The following AOPEP variants were observed in gnomAD, a reference collection of about 807,000 sequenced individuals.
The protein encoded by AOPEP is aminopeptidase O (putative).
In AOPEP, 77 loss-of-function variants were observed where a neutral mutation model predicts 98.1. That is an observed-to-expected ratio of 0.78 (90% CI 0.65 to 0.95). AOPEP has a LOEUF of 0.95. Among genes scored for constraint, AOPEP ranks in the 40% least tolerant of loss-of-function variants. The probability of loss-of-function intolerance (pLI) is 0.00; values close to 1 mark genes in which losing one functional copy is unlikely to be tolerated. For missense variants in AOPEP, 1,024 were observed against 1,024.7 expected, an observed-to-expected ratio of 1.00 and a Z score of 0.01; for synonymous variants, 346 against 365.3, an observed-to-expected ratio of 0.95 and a Z score of 0.60.
At chr9:94,935,331 A>G (rs1369808132) in intron 7 of AOPEP, 2 of 152,280 alleles carry the variant, frequency 1.3e-5, no homozygotes, top group East Asian at 1.9e-4. Flanking sequence ...CCGTGAGCCA[A>G]TTAAACCTCT....
chr9:95,148,967 C>T, the AOPEP span, among the ~76,000 whole-genome samples: 1 of 152,150 alleles, frequency 6.6e-6, no homozygotes, highest in Non-Finnish European at 1.5e-5. Flanking sequence ...TCATACACTT[C>T]AACCAAAACA....
At chr9:94,962,026 G>C (rs2058875739) in intron 9 of AOPEP, among the ~76,000 whole-genome samples, 1 of 152,182 alleles carries the variant, frequency 6.6e-6, no homozygotes, top group African/African-American at 2.4e-5. Context: ...ATGTGTACAG[G>C]GGAGGAGGAG....
At chr9:95,057,915 A>C (rs976694578) in intron 13 of AOPEP, among the ~76,000 whole-genome samples, 7 of 152,140 alleles carry the variant, frequency 4.6e-5, no homozygotes, top group Non-Finnish European at 1.0e-4. Context: ...GGGAGCAGAT[A>C]CCTGAGGGGA....
At chr9:94,856,338 C>G (rs555503147) in intron 5 of AOPEP, among the ~76,000 whole-genome samples, 2 of 152,134 alleles carry the variant, frequency 1.3e-5, no homozygotes, top group South Asian at 2.1e-4. Context: ...AAGGAGACGC[C>G]AGGGTAAAAG....
intron 9 of AOPEP, among the ~76,000 whole-genome samples, chr9:94,958,377 C>G (rs964035103): frequency 6.6e-6 from 1 of 152,114 alleles, no homozygotes; most frequent in African/African-American, 2.4e-5. Flanking sequence ...TGTTCAAGTC[C>G]CTGCTTTCAG....
At chr9:94,933,545 CG>C (rs2055736220) in intron 7 of AOPEP, 1 of 985,172 alleles carries the variant, frequency 1.0e-6, no homozygotes, top group African/African-American at 1.7e-5. Flanking sequence ...TAGATAAATG[CG>C]AGCATCTTTC....
chr9:95,108,279 G>A, the AOPEP span, among the ~76,000 whole-genome samples: 568 of 152,338 alleles, frequency 3.7e-3, 2 homozygotes, highest in African/African-American at 0.013. Context: ...ACGGGGAGCG[G>A]CAGCGCTCCA....
rs1387205088 is a variant in AOPEP, at chr9:94,961,500, C to A, written c.1872+5485C>A. ...GCGTTTATCTTTTTCTTCTTCATGA[C>A]CTGTATTAATCCGAAGCAACCCCTT... On this transcript the variant is annotated intron_variant, in intron 9 of 16. Transcript: ENST00000375315. Among the ~76,000 whole-genome samples the A allele has an allele frequency of 2.6e-5, 4 of 152,216 alleles. No homozygotes were observed. The East Asian group carries it at 7.7e-4, about 29-fold the overall frequency.
At chr9:94,807,614 C>T (rs1281500299) in intron 5 of AOPEP, among the ~76,000 whole-genome samples, 5 of 152,082 alleles carry the variant, frequency 3.3e-5, no homozygotes, top group Non-Finnish European at 7.4e-5. Context: ...ATTTCTTTAC[C>T]GAAGCATCAT....
rs1435481156 is a variant in AOPEP at position 94,959,130 on chromosome 9, G to A, written c.1872+3115G>A. Among the ~76,000 whole-genome samples, 6 of 151,996 alleles carry A rather than the reference G, an allele frequency of 3.9e-5. No individual in the cohort carries two copies. In the East Asian group the frequency reaches 9.7e-4, roughly 25 times the overall value. On this transcript the variant is annotated intron_variant, in intron 9 of 16. Transcript: ENST00000375315. Reference sequence around the variant, plus strand: ...GCGGTCTCGGCTCACTGCAAGCTCCGCCTCCTGGGTTCACACCATTCTCCT... The same window carrying A: ...GCGGTCTCGGCTCACTGCAAGCTCCACCTCCTGGGTTCACACCATTCTCCT...
At chr9:94,990,973 GA>G (rs1213307794) in intron 11 of AOPEP, among the ~76,000 whole-genome samples, 12 of 152,222 alleles carry the variant, frequency 7.9e-5, no homozygotes, top group Non-Finnish European at 2.9e-5. Flanking sequence ...CCCACACCTG[GA>G]AGGTAAAGCC....
chr9:94,808,696 A>C (rs1849795640), intron 5 of AOPEP, among the ~76,000 whole-genome samples: 1 of 152,218 alleles, frequency 6.6e-6, no homozygotes, highest in South Asian at 2.1e-4. Context: ...TCACCATAAA[A>C]TGGAAATCTT....
chr9:94,771,390 C>T (rs1193090108), intron 2 of AOPEP, among the ~76,000 whole-genome samples: 2 of 152,142 alleles, frequency 1.3e-5, no homozygotes, highest in Non-Finnish European at 2.9e-5. Flanking sequence ...AGTTGGCAAC[C>T]CAGGTGGTAC....
intron 7 of AOPEP, among the ~76,000 whole-genome samples, chr9:94,929,440 T>C (rs1183889159): frequency 6.6e-6 from 1 of 152,274 alleles, no homozygotes; most frequent in Non-Finnish European, 1.5e-5. Flanking sequence ...GGGAGGGAGC[T>C]GGCTGGGACT....
At chr9:94,772,563 A>G (rs1841128631) in intron 2 of AOPEP, among the ~76,000 whole-genome samples, 1 of 152,182 alleles carries the variant, frequency 6.6e-6, no homozygotes, top group South Asian at 2.1e-4. Context: ...TGGATTTGAG[A>G]CCACCAGCTT....
At chr9:94,823,874 C>T (rs1853847335) in intron 5 of AOPEP, among the ~76,000 whole-genome samples, 1 of 152,130 alleles carries the variant, frequency 6.6e-6, no homozygotes, top group South Asian at 2.1e-4. Flanking sequence ...GAAGCCATGC[C>T]TTTGGAGTGA....
chr9:95,127,071 G>A, the AOPEP span: 25 of 167,334 alleles, frequency 1.5e-4, no homozygotes, highest in Non-Finnish European at 3.1e-4. Context: ...CTACCACGCT[G>A]GACTAAATCA....
intron 11 of AOPEP, among the ~76,000 whole-genome samples, chr9:95,003,179 C>CGT (rs1491213622): frequency 1.3e-5 from 2 of 150,680 alleles, no homozygotes; most frequent in Non-Finnish European, 2.9e-5. Flanking sequence ...CGCGCGCGCG[C>CGT]GTGTGTGACT....
intron 14 of AOPEP, among the ~76,000 whole-genome samples, chr9:95,064,436 G>A (rs1296257418): frequency 6.6e-6 from 1 of 152,176 alleles, no homozygotes; most frequent in Non-Finnish European, 1.5e-5. Context: ...GATTACAGGT[G>A]CCCACCACCA....
Sources: allele counts gnomAD v4.1 joint callset (sites outside exome capture counted in the v4.1 genomes callset), GRCh38; gene constraint gnomAD v4.1.1; transcripts MANE v1.5; gene names NCBI Gene and HGNC (gene_info 2026-07-23, HGNC 2026-07-21).